The following WWOX variants were observed in gnomAD, a reference collection of about 807,000 sequenced individuals.
WWOX encodes the protein WW domain-containing oxidoreductase.
WWOX carries 69 observed loss-of-function variants against 46.2 expected under a neutral mutation model. That is an observed-to-expected ratio of 1.49 (90% CI 1.23 to 1.82). The LOEUF (loss-of-function observed/expected upper bound fraction) is 1.82, where lower values mean the gene tolerates loss of function less well. WWOX is among the 40% of genes most tolerant of loss of function. WWOX has a pLI of 0.00. For missense variants in WWOX, 919 were observed against 542.6 expected (o/e 1.69, Z -6.89); for synonymous variants, 359 against 202.6 (o/e 1.77, Z -6.56).
intron 8 of WWOX, among the ~76,000 whole-genome samples, chr16:78,537,344 T>A (rs2043783749): frequency 6.6e-6 from 1 of 152,166 alleles, no homozygotes; most frequent in African/African-American, 2.4e-5. Context: ...ATTTTCTAGG[T>A]AGATAGATGA....
chr16:78,791,574 G>A (rs1275959725), intron 8 of WWOX, among the ~76,000 whole-genome samples: 1 of 152,090 alleles, frequency 6.6e-6, no homozygotes, highest in Non-Finnish European at 1.5e-5. Context: ...TCTGAAGTTA[G>A]TGAATCTGAG....
intron 8 of WWOX, among the ~76,000 whole-genome samples, chr16:78,787,164 C>A (rs534323129): frequency 6.6e-6 from 1 of 152,158 alleles, no homozygotes; most frequent in Admixed American, 6.5e-5. Flanking sequence ...AAAAATAAAA[C>A]AAACAAAACA....
intron 8 of WWOX, among the ~76,000 whole-genome samples, chr16:78,592,660 A>C (rs1198828787): frequency 1.3e-5 from 2 of 152,182 alleles, no homozygotes; most frequent in Non-Finnish European, 2.9e-5. Flanking sequence ...ATCAGAGCCT[A>C]GGTGTGTAAA....
intron 5 of WWOX, among the ~76,000 whole-genome samples, chr16:78,211,989 A>G (rs1046718422): frequency 7.9e-5 from 12 of 152,336 alleles, no homozygotes; most frequent in Admixed American, 5.2e-4. Context: ...ACCATGGTAC[A>G]TAATCATGGG....
At chr16:78,611,578 C>G (rs1220902107) in intron 8 of WWOX, among the ~76,000 whole-genome samples, 1 of 152,138 alleles carries the variant, frequency 6.6e-6, no homozygotes, top group African/African-American at 2.4e-5. Context: ...GACCAAGAAG[C>G]TTAGTCTCAA....
At chr16:78,618,655 T>G (rs1567440820) in intron 8 of WWOX, among the ~76,000 whole-genome samples, 2 of 152,264 alleles carry the variant, frequency 1.3e-5, no homozygotes, top group Admixed American at 6.5e-5. Context: ...ATAAGAGACC[T>G]CTTCTCAACA....
intron 8 of WWOX, among the ~76,000 whole-genome samples, chr16:78,567,945 G>A (rs1022922422): frequency 6.6e-6 from 1 of 152,254 alleles, no homozygotes; most frequent in East Asian, 1.9e-4. Flanking sequence ...GCTCTGCGAG[G>A]TTTATTAATC....
At chr16:79,043,594 C>A (rs182420838) in intron 8 of WWOX, among the ~76,000 whole-genome samples, 1 of 152,268 alleles carries the variant, frequency 6.6e-6, no homozygotes, top group East Asian at 1.9e-4. Flanking sequence ...TGCATTATAA[C>A]CCTAATGTTT....
At chr16:78,869,263 A>G (rs1050974259) in intron 8 of WWOX, among the ~76,000 whole-genome samples, 2 of 152,168 alleles carry the variant, frequency 1.3e-5, no homozygotes, top group Non-Finnish European at 2.9e-5. Context: ...CCTGCTGGAA[A>G]TGAAACACTT....
At chr16:78,795,823 C>G (rs552405751) in intron 8 of WWOX, among the ~76,000 whole-genome samples, 1 of 151,982 alleles carries the variant, frequency 6.6e-6, no homozygotes, top group Admixed American at 6.6e-5. Flanking sequence ...TATAAAGTAT[C>G]TAGTAGAGTG....
At chr16:78,603,327 C>T (rs945212283) in intron 8 of WWOX, among the ~76,000 whole-genome samples, 21 of 152,148 alleles carry the variant, frequency 1.4e-4, no homozygotes, top group African/African-American at 5.1e-4. Context: ...ATCAACTGCA[C>T]CAAAAAGATC....
Position 79,125,017 on chromosome 16 carries a change from C to T in WWOX, c.1057-86591C>T, listed in dbSNP as rs140843326. Among the ~76,000 whole-genome samples, 352 of 151,444 alleles carry T rather than the reference C, an allele frequency of 2.3e-3. 1 individual carries two copies. The highest frequency in any genetic ancestry group is 8.1e-3 in the African/African-American group (332 of 41,232). ...TACACAGCTGGGATTATAATCCATG[C>T]CTGTCTGACTCTGAAACCTATTTTC... On this transcript the variant is annotated intron_variant, in intron 8 of 8. Transcript: ENST00000566780.
chr16:78,915,503 A>G (rs1386014482), intron 8 of WWOX, among the ~76,000 whole-genome samples: 1 of 152,204 alleles, frequency 6.6e-6, no homozygotes, highest in Non-Finnish European at 1.5e-5. Context: ...GCCTACACAG[A>G]ATGTCGCATG....
At chr16:78,678,172 C>A (rs2047648099) in intron 8 of WWOX, among the ~76,000 whole-genome samples, 2 of 152,098 alleles carry the variant, frequency 1.3e-5, no homozygotes. Flanking sequence ...GTCCTGAGTA[C>A]CAGTGGCCTT....
At chr16:79,004,488 A>G (rs1035751713) in intron 8 of WWOX, 1 of 152,280 alleles carries the variant, frequency 6.6e-6, no homozygotes, top group African/African-American at 2.4e-5. Flanking sequence ...GGCCGTGTCA[A>G]CCAGCTTTGC....
chr16:78,907,722 A>G (rs998710459), intron 8 of WWOX, among the ~76,000 whole-genome samples: 1 of 152,184 alleles, frequency 6.6e-6, no homozygotes, highest in African/African-American at 2.4e-5. Context: ...TACTAGAGGG[A>G]GTATTACCTT....
chr16:78,429,541 A>C (rs1417666268), intron 7 of WWOX, among the ~76,000 whole-genome samples: 3 of 151,984 alleles, frequency 2.0e-5, no homozygotes, highest in Non-Finnish European at 4.4e-5. Flanking sequence ...ACAAAAGATG[A>C]GTAGAGAGAG....
chr16:78,410,698 T>TG (rs1235046557), intron 6 of WWOX, among the ~76,000 whole-genome samples: 4 of 147,524 alleles, frequency 2.7e-5, no homozygotes, highest in Non-Finnish European at 5.9e-5. Flanking sequence ...CCCAGTTAGT[T>TG]GGGGGGCTAA....
chr16:78,446,967 T>C (rs993790595), intron 8 of WWOX, among the ~76,000 whole-genome samples: 2 of 152,170 alleles, frequency 1.3e-5, no homozygotes, highest in African/African-American at 2.4e-5. Context: ...TATATACTTA[T>C]TTTAGGTGTA....
Sources: gnomAD v4.1 joint callset for allele counts (sites outside exome capture counted in the v4.1 genomes callset) on GRCh38, gnomAD v4.1.1 for gene constraint, MANE v1.5 for transcripts, NCBI Gene and HGNC (gene_info 2026-07-23, HGNC 2026-07-21) for gene names.